Variants in WDR46 observed in about 807,000 individuals in gnomAD.
The protein encoded by WDR46 is WD repeat-containing protein 46.
Under a neutral mutation model 74.7 loss-of-function variants are expected in WDR46, and 58 were observed. The ratio of observed to expected loss-of-function variants is 0.78; its 90% CI spans 0.63 to 0.97. The LOEUF (loss-of-function observed/expected upper bound fraction) is 0.97, where lower values mean the gene tolerates loss of function less well. Ranked by LOEUF, WDR46 falls within the 50% of genes least tolerant of loss-of-function variation. The pLI, the probability that WDR46 is intolerant of heterozygous loss-of-function variation, is 0.00. For missense variants in WDR46, 702 were observed against 790.1 expected (o/e 0.89, Z 1.34); for synonymous variants, 278 against 297.3 (o/e 0.93, Z 0.67).
Position 33,280,811 on chromosome 6 carries a change from T to C in WDR46, c.1292A>G (p.Lys431Arg), listed in dbSNP as rs772260654. The C allele has an allele frequency of 5.6e-6, 9 of 1,614,192 alleles. No individual in the cohort carries two copies. The highest frequency in any genetic ancestry group is 7.6e-6 in the Non-Finnish European group (9 of 1,180,016). ...CTGTTCAAGGGAGGGTGGGCTGGCCTTGCCCTGCCCTGCCCAGATGTTGAC... is the reference window on the plus strand; with the variant it reads ...CTGTTCAAGGGAGGGTGGGCTGGCCCTGCCCTGCCCTGCCCAGATGTTGAC... ...DVVNIWAGQG[K>R]ASPPSLEQPY... Residue 431 changes from lysine to arginine, a missense_variant, in exon 11 of 15, where the codon AAG (lysine) becomes AGG (arginine). Transcript: ENST00000374617.
chr6:33,280,791 C>T lies in WDR46; in HGVS notation c.1312G>A (p.Glu438Lys). ...AGCCGGTGGGTGAGGTAGGGCTGTT[C>T]AAGGGAGGGTGGGCTGGCCTTGCCC... ...GQGKASPPSL[E>K]QPYLTHRLSG... Residue 438 changes from glutamate to lysine, a missense_variant, in exon 11 of 15, where the codon GAA becomes AAA. Physicochemically the swap from Glu to Lys is moderately conservative, Grantham distance 56 (BLOSUM62 1). Coordinates refer to ENST00000374617, the MANE Select transcript of WDR46 (RefSeq NM_005452.6). 1.9e-6 allele frequency: 3 copies of T among 1,614,162 alleles called. No individual in the cohort carries two copies. Among genetic ancestry groups the T allele is most frequent in the Non-Finnish European group, 2.5e-6 (3 of 1,180,004 alleles).
intron 9 of WDR46, 86 bp downstream of exon 9, chr6:33,287,005 G>C (rs1331292788): frequency 6.3e-7 from 1 of 1,584,558 alleles, no homozygotes; most frequent in African/African-American, 1.4e-5. Flanking sequence ...GGAAATAAAA[G>C]GGTAACTTTA....
At chr6:33,279,403 G>T (rs1293438975) in intron 14 of WDR46, 29 bp from the exon 15 acceptor site, 1 of 1,612,426 alleles carries the variant, frequency 6.2e-7, no homozygotes, top group Non-Finnish European at 8.5e-7. Flanking sequence ...GAGGACACAG[G>T]CACAGAGTGA....
rs1276908802 is a variant in WDR46 at position 33,288,678 on chromosome 6, G to C, written c.296C>G (p.Pro99Arg). The change falls in exon 3 of 15, where the codon CCA (proline) becomes CGA (arginine). Residue 99 changes from proline (P) to arginine (R), a missense_variant. Coordinates refer to ENST00000374617, the MANE Select transcript of WDR46 (RefSeq NM_005452.6). ...TTCCACAGGGACGGGGGCGGGGCCTGGGAATGGATCTTGGGTCTAGGGGAA... is the reference window on the plus strand; with the variant it reads ...TTCCACAGGGACGGGGGCGGGGCCTCGGAATGGATCTTGGGTCTAGGGGAA... ...RGLSGTQDPF[P>R]GPAPVPVEVV... is the part of the protein sequence containing the mutation. 1 of 1,613,368 alleles carries C rather than the reference G, an allele frequency of 6.2e-7. No homozygotes were observed. Among genetic ancestry groups the C allele is most frequent in the Non-Finnish European group, 8.5e-7 (1 of 1,179,666 alleles).
chr6:33,279,682 C>A, intron 13 of WDR46, 72 bp from the exon 14 acceptor site: 1 of 1,612,088 alleles, frequency 6.2e-7, no homozygotes, highest in Non-Finnish European at 8.5e-7. Flanking sequence ...CACCTGCTGG[C>A]CGCACTTCTG....
intron 10 of WDR46, among the ~76,000 whole-genome samples, chr6:33,285,937 T>C (rs1461479909): frequency 6.9e-6 from 1 of 145,732 alleles, no homozygotes; most frequent in Non-Finnish European, 1.5e-5. Flanking sequence ...GGTCAGGAGT[T>C]CAAGACCAGC....
chr6:33,287,673 A>C lies in WDR46; in HGVS notation c.669T>G (p.Asp223Glu). 1.2e-6 allele frequency: 2 copies of C among 1,613,794 alleles called. No individual in the cohort carries two copies. Among genetic ancestry groups the C allele is most frequent in the Non-Finnish European group, 1.7e-6 (2 of 1,179,958 alleles). Residue 223 changes from aspartate (D) to glutamate (E), a missense_variant, in exon 7 of 15, where the codon GAT (aspartate) becomes GAG (glutamate). By Grantham distance (45) the Asp-to-Glu change is conservative. Transcript: ENST00000374617. ...CGCACATAAGCTTCTTTGTTACCCA[A>C]TCAAGGGCAGCCACATGACCTCGGC... ...GGRRGHVAAL[D>E]WVTKKLMCEI...
At position 33,288,707 on chromosome 6, in the gene WDR46, A is replaced by C; in HGVS notation, c.280-13T>G. ...ATGGATCTTGGGTCTAGGGGAAAGGAGGACGCAATTAGCAGACAGCCTTGG... is the reference window on the plus strand; with the variant it reads ...ATGGATCTTGGGTCTAGGGGAAAGGCGGACGCAATTAGCAGACAGCCTTGG... On this transcript the variant is annotated splice_polypyrimidine_tract_variant and intron_variant, in intron 2 of 14. Transcript: ENST00000374617. The C allele has an allele frequency of 2.5e-6, 4 of 1,613,120 alleles. No homozygotes were observed. Among genetic ancestry groups the C allele is most frequent in the Non-Finnish European group, 3.4e-6 (4 of 1,179,438 alleles).
At chr6:33,289,039 C>T (rs776246509) in intron 1 of WDR46, 26 bp from the exon 2 acceptor site, 2 of 1,612,460 alleles carry the variant, frequency 1.2e-6, no homozygotes, top group Non-Finnish European at 1.7e-6. Context: ...GAACTCCGCA[C>T]TCACGCCCCG....
Position 33,280,949 on chromosome 6 carries a change from A to C in WDR46, c.1154T>G (p.Ile385Ser). 1.2e-6 allele frequency: 2 copies of C among 1,613,082 alleles called. No homozygotes were observed. Among genetic ancestry groups the C allele is most frequent in the Non-Finnish European group, 1.7e-6 (2 of 1,179,354 alleles). Residue 385 changes from isoleucine to serine, a missense_variant, in exon 11 of 15, where the codon ATC (isoleucine) becomes AGC (serine). Ile to Ser is a moderately radical substitution (Grantham distance 142). Transcript: ENST00000374617. ...ATSGLDHQLK[I>S]FDLRGTYQPL... The stretch of plus-strand genomic sequence containing the variant: ...CTGGTACGTCCCTCGCAAGTCAAAG[A>C]TCTTCAGCTGGTGGTCTAGGCCAGA...
At position 33,288,431 on chromosome 6, in the gene WDR46, C is replaced by A; in HGVS notation, c.400G>T (p.Val134Leu). The A allele has an allele frequency of 6.2e-7, 1 of 1,614,166 alleles. No individual in the cohort carries two copies. The highest frequency in any genetic ancestry group is 8.5e-7 in the Non-Finnish European group (1 of 1,180,044). ...GTTTCCTCTTCCTCAGCTTCAGCCACCTCAAGTCGGCTTCGAGTTTTGGCT... is the reference window on the plus strand; with the variant it reads ...GTTTCCTCTTCCTCAGCTTCAGCCAACTCAAGTCGGCTTCGAGTTTTGGCT... Reference protein sequence around the residue: ...SKAKTRSRLEVAEAEEEETSI... With the variant: ...SKAKTRSRLELAEAEEEETSI... The change falls in exon 4 of 15, where the codon GTG (valine) becomes TTG (leucine). Residue 134 changes from valine (V) to leucine (L), a missense_variant. Coordinates refer to ENST00000374617, the MANE Select transcript of WDR46 (RefSeq NM_005452.6).
intron 10 of WDR46, among the ~76,000 whole-genome samples, chr6:33,283,884 CAA>C (rs1344143344): frequency 1.3e-5 from 2 of 151,938 alleles, no homozygotes; most frequent in Non-Finnish European, 2.9e-5. Flanking sequence ...GGTGATAGAT[CAA>C]GACTCCGTCT....
At position 33,289,187 on chromosome 6, in the gene WDR46, G is replaced by A; in HGVS notation, c.-17C>T. The A allele has an allele frequency of 6.2e-7, 1 of 1,604,818 alleles. No homozygotes were observed. Among genetic ancestry groups the A allele is most frequent in the Non-Finnish European group, 8.5e-7 (1 of 1,176,012 alleles). Reference sequence around the variant, plus strand: ...TGTCTCCATCTCGCCCACCCGAACGGCGATCCACGTGCAAAACTCCTCTCA... The same window carrying A: ...TGTCTCCATCTCGCCCACCCGAACGACGATCCACGTGCAAAACTCCTCTCA... On this transcript the variant is annotated 5_prime_UTR_variant, in exon 1 of 15. Coordinates refer to ENST00000374617, the MANE Select transcript of WDR46 (RefSeq NM_005452.6).
Position 33,280,821 on chromosome 6 carries a change from C to T in WDR46, c.1282G>A (p.Gly428Arg), listed in dbSNP as rs747407751. ...GMGDVVNIWA[G>R]QGKASPPSLE... ...GAGGGTGGGCTGGCCTTGCCCTGCCCTGCCCAGATGTTGACAACGTCACCC... is the reference window on the plus strand; with the variant it reads ...GAGGGTGGGCTGGCCTTGCCCTGCCTTGCCCAGATGTTGACAACGTCACCC... The change falls in exon 11 of 15, where the codon GGG becomes AGG. Residue 428 changes from glycine to arginine, a missense_variant. Coordinates refer to ENST00000374617, the MANE Select transcript of WDR46 (RefSeq NM_005452.6). 1.2e-6 allele frequency: 2 copies of T among 1,614,086 alleles called. No homozygotes were observed. The highest frequency in any genetic ancestry group is 2.2e-5 in the East Asian group (1 of 44,900).
At chr6:33,286,960 AG>A in intron 9 of WDR46, 66 bp from the exon 10 acceptor site, 1 of 1,597,722 alleles carries the variant, frequency 6.3e-7, no homozygotes, top group Non-Finnish European at 8.5e-7. Context: ...AACATGGGAA[AG>A]ATGGGAACTC....
At chr6:33,280,104 C>A (rs1766003094) in intron 12 of WDR46, among the ~76,000 whole-genome samples, 1 of 150,008 alleles carries the variant, frequency 6.7e-6, no homozygotes, top group South Asian at 2.1e-4. Context: ...GGGAACCTGA[C>A]CCTCTCCAGG....
chr6:33,285,867 G>A (rs1164710857), intron 10 of WDR46, among the ~76,000 whole-genome samples: 2 of 149,896 alleles, frequency 1.3e-5, no homozygotes, highest in African/African-American at 2.4e-5. Context: ...TGGGCCAGGC[G>A]CAGTGGCTCA....
rs772492544 is a variant in WDR46 at position 33,280,561 on chromosome 6, G to C, written c.1430-39C>G. On this transcript the variant is annotated intron_variant, in intron 11 of 14. Transcript: ENST00000374617. Reference sequence around the variant, plus strand: ...GGGAGAAGCATGGAGCCATAAGGAAGAACCTCAGTCCAACAGCTCCAGCCC... The same window carrying C: ...GGGAGAAGCATGGAGCCATAAGGAACAACCTCAGTCCAACAGCTCCAGCCC... 5 of 1,600,502 alleles carry C rather than the reference G, an allele frequency of 3.1e-6. No homozygotes were observed. In the Middle Eastern group the frequency reaches 6.6e-4, roughly 212 times the overall value.
chr6:33,288,751 A>ACT, intron 2 of WDR46, 53 bp downstream of exon 2: 1 of 1,612,128 alleles, frequency 6.2e-7, no homozygotes, highest in East Asian at 2.2e-5. Flanking sequence ...CAACCCTCTC[A>ACT]CTCTCAAGGA....
Sources: allele counts gnomAD v4.1 joint callset (sites outside exome capture counted in the v4.1 genomes callset), GRCh38; gene constraint gnomAD v4.1.1; transcripts MANE v1.5; gene names NCBI Gene and HGNC (gene_info 2026-07-23, HGNC 2026-07-21).